CSGALNACT2: variants seen among roughly 807,000 people sequenced by gnomAD.
CSGALNACT2 encodes the protein beta 4 GalNAcT-2.
CSGALNACT2 carries 35 observed loss-of-function variants against 55.3 expected under a neutral mutation model. The ratio of observed to expected loss-of-function variants is 0.63; its 90% CI spans 0.48 to 0.84. CSGALNACT2 has a LOEUF of 0.84. Ranked by LOEUF, CSGALNACT2 falls within the 40% of genes least tolerant of loss-of-function variation. CSGALNACT2 has a pLI of 0.00. For missense variants in CSGALNACT2, 544 were observed against 657.5 expected (o/e 0.83, Z 1.89); for synonymous variants, 196 against 224.9 (o/e 0.87, Z 1.15).
In CSGALNACT2 at chr10:43,155,342, G is replaced by A. The variant is rs772390120; in HGVS notation, c.193G>A (p.Glu65Lys). 2.5e-6 allele frequency: 4 copies of A among 1,614,058 alleles called. No homozygotes were observed. The highest frequency in any genetic ancestry group is 1.7e-5 in the Admixed American group (1 of 60,014). ...EYYQALLQEQ[E>K]EHYQTRATSL... ...TTATCAAGCCCTCCTACAGGAACAA[G>A]AAGAACATTATCAGACCAGGGCAAC... is the stretch of plus-strand genomic sequence containing the variant. The change falls in exon 2 of 8, where the codon GAA becomes AAA. Residue 65 changes from glutamate to lysine, a missense_variant. Around this residue, in one of 2 missense-constraint regions of CSGALNACT2, gnomAD observed 374 missense variants for 401.3 expected, o/e 0.93. Coordinates refer to ENST00000374466, the MANE Select transcript of CSGALNACT2 (RefSeq NM_018590.5).
At chr10:43,145,462 C>T (rs115239678) in intron 1 of CSGALNACT2, among the ~76,000 whole-genome samples, 2 of 126,438 alleles carry the variant, frequency 1.6e-5, no homozygotes, top group Non-Finnish European at 3.1e-5. Context: ...TGCTTTGGTG[C>T]GATCGTAGCT....
chr10:43,180,163 G>T (rs983629052), intron 7 of CSGALNACT2, among the ~76,000 whole-genome samples: 1 of 152,188 alleles, frequency 6.6e-6, no homozygotes. Context: ...GTGAAAAAGA[G>T]CTGCACCTGT....
chr10:43,144,690 G>T (rs1321089241), intron 1 of CSGALNACT2, among the ~76,000 whole-genome samples: 1 of 152,104 alleles, frequency 6.6e-6, no homozygotes, highest in Non-Finnish European at 1.5e-5. Context: ...TTTAAAGTGT[G>T]CAATTTGATA....
intron 1 of CSGALNACT2, among the ~76,000 whole-genome samples, chr10:43,151,296 T>C (rs1838868702): frequency 6.6e-6 from 1 of 152,210 alleles, no homozygotes. Context: ...TCTGTATTCT[T>C]ATAAATATTC....
At chr10:43,164,572 G>C (rs922693561) in intron 5 of CSGALNACT2, among the ~76,000 whole-genome samples, 1 of 152,224 alleles carries the variant, frequency 6.6e-6, no homozygotes, top group Non-Finnish European at 1.5e-5. Flanking sequence ...GAGATAGCCA[G>C]GTGCAGGGGC....
chr10:43,139,284 G>T (rs1378682763), intron 1 of CSGALNACT2, among the ~76,000 whole-genome samples: 1 of 152,212 alleles, frequency 6.6e-6, no homozygotes, highest in Non-Finnish European at 1.5e-5. Context: ...TATTAAAATA[G>T]TAGCTTCGAT....
At chr10:43,160,684 T>A in intron 4 of CSGALNACT2, 89 bp downstream of exon 4, 1 of 698,054 alleles carries the variant, frequency 1.4e-6, no homozygotes, top group Non-Finnish European at 2.5e-6. Flanking sequence ...TAATTTTTAG[T>A]AACTATTATT....
chr10:43,159,898 T>C (rs1183920266), intron 3 of CSGALNACT2, among the ~76,000 whole-genome samples: 2 of 152,244 alleles, frequency 1.3e-5, no homozygotes, highest in Non-Finnish European at 2.9e-5. Context: ...CATATTGAAA[T>C]TGTTGGATTT....
At chr10:43,164,943 G>T (rs1418536230) in intron 5 of CSGALNACT2, among the ~76,000 whole-genome samples, 1 of 152,066 alleles carries the variant, frequency 6.6e-6, no homozygotes, top group African/African-American at 2.4e-5. Context: ...TATTAAAGAG[G>T]CTGGGGGTGG....
chr10:43,174,983 T>C (rs1373959920), intron 6 of CSGALNACT2, among the ~76,000 whole-genome samples: 1 of 152,250 alleles, frequency 6.6e-6, no homozygotes, highest in Admixed American at 6.5e-5. Context: ...GCCCTGGTTT[T>C]ATATTTCTTT....
intron 4 of CSGALNACT2, chr10:43,163,649 A>T (rs901189141): frequency 5.7e-5 from 56 of 985,382 alleles, no homozygotes; most frequent in Non-Finnish European, 6.6e-5. Context: ...TTGGAGCCTC[A>T]TACCACCAAC....
At chr10:43,170,011 C>T (rs1388092127) in intron 6 of CSGALNACT2, among the ~76,000 whole-genome samples, 1 of 151,952 alleles carries the variant, frequency 6.6e-6, no homozygotes. Context: ...TAATCGAGTC[C>T]AGCAAAATGA....
chr10:43,148,061 A>G (rs1838799807), intron 1 of CSGALNACT2, among the ~76,000 whole-genome samples: 2 of 152,092 alleles, frequency 1.3e-5, no homozygotes, highest in Admixed American at 1.3e-4. Flanking sequence ...TTTTGAGATA[A>G]TTTTTGAATG....
intron 6 of CSGALNACT2, among the ~76,000 whole-genome samples, chr10:43,172,500 T>C (rs1839401769): frequency 6.6e-6 from 1 of 152,212 alleles, no homozygotes; most frequent in Non-Finnish European, 1.5e-5. Flanking sequence ...TTTTCACAGC[T>C]GTGCTGCAGT....
rs1005119352 is a variant in CSGALNACT2, at chr10:43,138,468, G to T, written c.-353G>T. The T allele has an allele frequency of 2.0e-5, 3 of 148,336 alleles. No individual in the cohort carries two copies. Among genetic ancestry groups the T allele is most frequent in the African/African-American group, 4.9e-5 (2 of 41,094 alleles). The allele number at this position is 148,336 out of a possible 1,614,324, so 9.2% of individuals were successfully genotyped here. A position where few individuals can be genotyped will look rare whatever the true frequency, so the allele number is the denominator to read the frequency against. Reference sequence around the variant, plus strand: ...GCCTCTCAGGCGCGGCGGCGCGCCCGGGGGTGGGTGGCTGAGGCGGCGGCG... The same window carrying T: ...GCCTCTCAGGCGCGGCGGCGCGCCCTGGGGTGGGTGGCTGAGGCGGCGGCG... On this transcript the variant is annotated 5_prime_UTR_variant, in exon 1 of 8. Transcript: ENST00000374466.
intron 6 of CSGALNACT2, among the ~76,000 whole-genome samples, chr10:43,174,500 C>T (rs531151319): frequency 1.2e-4 from 19 of 152,308 alleles, no homozygotes; most frequent in Middle Eastern, 6.8e-3. Flanking sequence ...TGGGCTTCAT[C>T]TTAGGGATAG....
chr10:43,157,895 G>T (rs186141474), intron 2 of CSGALNACT2, among the ~76,000 whole-genome samples: 423 of 152,086 alleles, frequency 2.8e-3, no homozygotes, highest in Non-Finnish European at 4.5e-3. Flanking sequence ...TGGGCGTGGT[G>T]ACACACGCCT....
At chr10:43,165,897 G>C (rs565985408) in intron 5 of CSGALNACT2, among the ~76,000 whole-genome samples, 1 of 152,254 alleles carries the variant, frequency 6.6e-6, no homozygotes, top group African/African-American at 2.4e-5. Context: ...CAGAAGAATT[G>C]CTTGAACCTG....
intron 1 of CSGALNACT2, among the ~76,000 whole-genome samples, chr10:43,144,662 CATAAA>C (rs980677659): frequency 2.0e-5 from 3 of 152,070 alleles, no homozygotes; most frequent in Non-Finnish European, 4.4e-5. Context: ...GTATAATTGA[CATAAA>C]ATAAACCACA....
Sources: gnomAD v4.1 joint callset for allele counts (sites outside exome capture counted in the v4.1 genomes callset) on GRCh38, gnomAD v4.1.1 for gene constraint, gnomAD v4.1.1 regional missense constraint, MANE v1.5 for transcripts, NCBI Gene and HGNC (gene_info 2026-07-23, HGNC 2026-07-21) for gene names.